SYN3: variants seen among roughly 807,000 people sequenced by gnomAD.
The protein encoded by SYN3 is synapsin III, also known as synapsin-3.
Under a neutral mutation model 65.8 loss-of-function variants are expected in SYN3, and 35 were observed. The ratio of observed to expected loss-of-function variants is 0.53; its 90% CI spans 0.41 to 0.70. The LOEUF is 0.70. Ranked by LOEUF, SYN3 falls within the 30% of genes least tolerant of loss-of-function variation. The probability of loss-of-function intolerance (pLI) is 0.00; values close to 1 mark genes in which losing one functional copy is unlikely to be tolerated. For missense variants in SYN3, 680 were observed against 749.0 expected (o/e 0.91, Z 1.08); for synonymous variants, 270 against 292.9 (o/e 0.92, Z 0.80).
At position 32,645,736 on chromosome 22, in the gene SYN3, C is replaced by T. The variant is rs541460331; in HGVS notation, c.712-49000G>A. Among the ~76,000 whole-genome samples, 89 of 152,106 alleles carry T rather than the reference C, an allele frequency of 5.9e-4. 2 individuals are homozygous for T. Among genetic ancestry groups the T allele is most frequent in the Non-Finnish European group, 2.6e-4 (18 of 68,034 alleles). ...TGCCCTCTGCTTTTGTTTCCAAAACCCAAGTTCTTAGGAAAACCAAAACAA... is the reference window on the plus strand; with the variant it reads ...TGCCCTCTGCTTTTGTTTCCAAAACTCAAGTTCTTAGGAAAACCAAAACAA... On this transcript the variant is annotated intron_variant, in intron 6 of 13. Transcript: ENST00000358763.
At chr22:32,885,185 G>A (rs1432226796) in intron 4 of SYN3, among the ~76,000 whole-genome samples, 1 of 151,902 alleles carries the variant, frequency 6.6e-6, no homozygotes, top group Non-Finnish European at 1.5e-5. Flanking sequence ...ACTTTTGACA[G>A]TATCTGCTTA....
intron 6 of SYN3, among the ~76,000 whole-genome samples, chr22:32,847,465 C>A (rs552519863): frequency 1.3e-5 from 2 of 152,146 alleles, no homozygotes; most frequent in Non-Finnish European, 2.9e-5. Context: ...TTGCCATCGC[C>A]GGCAGGGAAG....
chr22:32,576,396 A>G (rs2058850856), intron 7 of SYN3, among the ~76,000 whole-genome samples: 1 of 152,182 alleles, frequency 6.6e-6, no homozygotes, highest in Non-Finnish European at 1.5e-5. Flanking sequence ...TAATCAGATT[A>G]CCTACCCCAG....
chr22:32,819,544 T>C (rs1426902046), intron 6 of SYN3, among the ~76,000 whole-genome samples: 2 of 152,204 alleles, frequency 1.3e-5, no homozygotes, highest in East Asian at 3.9e-4. Context: ...CACAGGTTTA[T>C]GGAGCACCTA....
intron 6 of SYN3, among the ~76,000 whole-genome samples, chr22:32,742,462 A>C (rs1434677648): frequency 1.3e-5 from 2 of 152,112 alleles, no homozygotes; most frequent in Non-Finnish European, 2.9e-5. Context: ...CTGGCTTGGC[A>C]GTGGAGGCAA....
intron 6 of SYN3, among the ~76,000 whole-genome samples, chr22:32,803,925 C>T (rs184434211): frequency 3.9e-5 from 6 of 152,152 alleles, no homozygotes; most frequent in Admixed American, 6.5e-5. Flanking sequence ...AAATTGACCA[C>T]GGAAAAGTGA....
At chr22:32,723,523 C>A (rs2061148298) in intron 6 of SYN3, among the ~76,000 whole-genome samples, 2 of 152,160 alleles carry the variant, frequency 1.3e-5, no homozygotes, top group South Asian at 2.1e-4. Flanking sequence ...GCCTCTTAGA[C>A]AAGTTGGGCC....
rs184920191 is a variant in SYN3 at position 32,537,982 on chromosome 22, C to T, written c.992+54G>A. The T allele has an allele frequency of 2.6e-6, 4 of 1,535,210 alleles. No individual in the cohort carries two copies. The Admixed American group carries it at 6.7e-5, about 26-fold the overall frequency. ...CTTCAGGGCCTTTTGTTGCATTCCC[C>T]CTTCAGCTCCTACTATGGCCAGTGC... On this transcript the variant is annotated intron_variant, in intron 9 of 13. Coordinates refer to ENST00000358763, the MANE Select transcript of SYN3 (RefSeq NM_003490.4).
intron 6 of SYN3, among the ~76,000 whole-genome samples, chr22:32,721,446 C>T (rs972965895): frequency 1.1e-4 from 17 of 152,322 alleles, no homozygotes; most frequent in Admixed American, 3.3e-4. Context: ...ATCCATCCAT[C>T]CATCCATCCC....
rs79485923 is a variant in SYN3, at chr22:32,590,881, G to A, written c.774+5793C>T. On this transcript the variant is annotated intron_variant, in intron 7 of 13. Coordinates refer to ENST00000358763, the MANE Select transcript of SYN3 (RefSeq NM_003490.4). ...CTTGTAGCCAAGTGAAATAAATTAT[G>A]TGACATATGATGCTATTTAATCATA... 1.5e-3 allele frequency among the ~76,000 whole-genome samples: 221 copies of A among 152,310 alleles called. 1 individual carries two copies. Among genetic ancestry groups the A allele is most frequent in the African/African-American group, 5.0e-3 (209 of 41,566 alleles).
At chr22:32,818,702 T>C (rs2047153373) in intron 6 of SYN3, among the ~76,000 whole-genome samples, 1 of 152,112 alleles carries the variant, frequency 6.6e-6, no homozygotes, top group African/African-American at 2.4e-5. Context: ...CACCATTAAC[T>C]GCAGTCAGAA....
intron 9 of SYN3, among the ~76,000 whole-genome samples, chr22:32,535,180 A>T (rs1349869058): frequency 6.6e-6 from 1 of 152,194 alleles, no homozygotes. Context: ...CCAGCTTCCA[A>T]GCAAGCCACC....
intron 6 of SYN3, among the ~76,000 whole-genome samples, chr22:32,760,576 G>A (rs1457806429): frequency 1.3e-5 from 2 of 152,030 alleles, no homozygotes; most frequent in Admixed American, 6.6e-5. Flanking sequence ...GGCACATGCA[G>A]GGCCCCCCGT....
intron 1 of SYN3, among the ~76,000 whole-genome samples, chr22:33,019,951 C>T (rs1490347827): frequency 6.6e-6 from 1 of 152,222 alleles, no homozygotes; most frequent in African/African-American, 2.4e-5. Context: ...TGAAAGAATG[C>T]ACAGACGTGC....
chr22:32,591,692 T>C (rs73881747), intron 7 of SYN3, among the ~76,000 whole-genome samples: 10,610 of 152,268 alleles, frequency 0.07, 387 homozygotes, highest in African/African-American at 0.084. Flanking sequence ...TGTGCAATGT[T>C]TCTCAACCTT....
intron 6 of SYN3, among the ~76,000 whole-genome samples, chr22:32,751,042 A>G (rs1430464000): frequency 6.6e-6 from 1 of 152,056 alleles, no homozygotes; most frequent in Non-Finnish European, 1.5e-5. Flanking sequence ...AAAGGAATGA[A>G]GGTGTGTGTG....
chr22:32,704,949 A>G (rs1326644344), intron 6 of SYN3, among the ~76,000 whole-genome samples: 1 of 152,212 alleles, frequency 6.6e-6, no homozygotes, highest in African/African-American at 2.4e-5. Flanking sequence ...GATGCTGGAC[A>G]TTAGACCTTT....
intron 6 of SYN3, among the ~76,000 whole-genome samples, chr22:32,598,951 C>T (rs2059242225): frequency 6.6e-6 from 1 of 152,096 alleles, no homozygotes; most frequent in African/African-American, 2.4e-5. Flanking sequence ...ATTGAAAGAA[C>T]CTCATCAGTT....
At chr22:32,814,339 G>GAAAGAAAGGAAGGAAGAAAGGAAGAA (rs369652077) in intron 6 of SYN3, among the ~76,000 whole-genome samples, 2 of 10,358 alleles carry the variant, frequency 1.9e-4, no homozygotes, top group African/African-American at 4.0e-4. Flanking sequence ...AAGAAAGAAA[G>GAAAGAAAGGAAGGAAGAAAGGAAGAA]AGAAAGAAAG....
Sources: gnomAD v4.1 joint callset for allele counts (sites outside exome capture counted in the v4.1 genomes callset) on GRCh38, gnomAD v4.1.1 for gene constraint, MANE v1.5 for transcripts, NCBI Gene and HGNC (gene_info 2026-07-23, HGNC 2026-07-21) for gene names.